The following TTC16 variants were observed in gnomAD, a reference collection of about 807,000 sequenced individuals.
The protein encoded by TTC16 is tetratricopeptide repeat domain 16.
Under a neutral mutation model 80.4 loss-of-function variants are expected in TTC16, and 66 were observed. The observed-to-expected ratio is 0.82, with a 90% CI of 0.67 to 1.01. The LOEUF (loss-of-function observed/expected upper bound fraction) is 1.01, where lower values mean the gene tolerates loss of function less well. Among genes scored for constraint, TTC16 ranks in the 50% least tolerant of loss-of-function variants. The probability of loss-of-function intolerance (pLI) is 0.00; values close to 1 mark genes in which losing one functional copy is unlikely to be tolerated. For synonymous variants in TTC16, 438 were observed against 451.3 expected, an observed-to-expected ratio of 0.97 and a Z score of 0.37; for missense variants, 1,070 against 1,103.2, an observed-to-expected ratio of 0.97 and a Z score of 0.43.
Position 127,731,526 on chromosome 9 carries a change from T to C in TTC16, c.*121T>C, listed in dbSNP as rs1267207494. On this transcript the variant is annotated 3_prime_UTR_variant, in exon 14 of 14. Coordinates refer to ENST00000373289, the MANE Select transcript of TTC16 (RefSeq NM_144965.3). ...ATTAAAAGTCTTAGCAACAGTCCTC[T>C]GGTCCCACAGCTGAGTTTATTATAC... 4.7e-6 allele frequency: 7 copies of C among 1,475,594 alleles called. No homozygotes were observed. The highest frequency in any genetic ancestry group is 1.4e-5 in the African/African-American group (1 of 70,732). The allele number at this position is 1,475,594 out of a possible 1,614,324, so 91.4% of individuals were successfully genotyped here.
chr9:127,719,841 T>C (rs1843312770), intron 4 of TTC16, among the ~76,000 whole-genome samples: 1 of 152,214 alleles, frequency 6.6e-6, no homozygotes. Flanking sequence ...CCTGAATCTC[T>C]GTATTCCTGT....
chr9:127,726,204 G>C, intron 9 of TTC16, 35 bp from the exon 10 acceptor site: 1 of 1,524,160 alleles, frequency 6.6e-7, no homozygotes, highest in Non-Finnish European at 8.9e-7. Flanking sequence ...AGATGGCCCA[G>C]CTCATAGCAG....
chr9:127,717,371 T>A lies in TTC16; in HGVS notation c.229T>A (p.Trp77Arg), dbSNP rs1316092356. The change falls in exon 3 of 14, where the codon TGG (tryptophan) becomes AGG (arginine). Residue 77 changes from tryptophan (W) to arginine (R), a missense_variant. Physicochemically the swap from Trp to Arg is moderately radical, Grantham distance 101. Coordinates refer to ENST00000373289, the MANE Select transcript of TTC16 (RefSeq NM_144965.3). ...RGQQCLEQAD[W>R]ETAVLLFSRA... is the part of the protein sequence containing the mutation. ...CCAGCAGTGCTTGGAGCAGGCAGAC[T>A]GGGAGACAGCTGTGCTGCTCTTCTC... is the stretch of plus-strand genomic sequence containing the variant. 2 of 1,612,824 alleles carry A rather than the reference T, an allele frequency of 1.2e-6. No individual in the cohort carries two copies. The highest frequency in any genetic ancestry group is 2.2e-5 in the South Asian group (2 of 91,076).
At chr9:127,725,557 C>T (rs1422570532) in intron 9 of TTC16, among the ~76,000 whole-genome samples, 1 of 92,184 alleles carries the variant, frequency 1.1e-5, no homozygotes, top group Non-Finnish European at 2.1e-5. Context: ...GAGTGAGACT[C>T]CGTCTCAAAA....
Position 127,726,269 on chromosome 9 carries a change from C to T in TTC16, c.1290C>T (p.Ser430=). 3.7e-6 allele frequency: 6 copies of T among 1,602,660 alleles called. No individual in the cohort carries two copies. The highest frequency in any genetic ancestry group is 5.1e-6 in the Non-Finnish European group (6 of 1,172,576). ...TCCAGAAGGCAGAGAACCACTTCTC[C>T]ACGGCCATCCGGCACAACCCCCAGA... The part of the protein sequence containing the change: ...KQFQKAENHF[S]TAIRHNPQKA... The change falls in exon 10 of 14, where the codon TCC becomes TCT. Residue 430 remains serine (S), a synonymous_variant. Coordinates refer to ENST00000373289, the MANE Select transcript of TTC16 (RefSeq NM_144965.3).
chr9:127,721,917 C>T (rs1843545618), intron 6 of TTC16, among the ~76,000 whole-genome samples: 1 of 152,098 alleles, frequency 6.6e-6, no homozygotes, highest in Non-Finnish European at 1.5e-5. Flanking sequence ...CTGCCTCGGC[C>T]TCTCCAAGTG....
chr9:127,721,429 A>G (rs1276216139), intron 6 of TTC16, among the ~76,000 whole-genome samples: 2 of 148,066 alleles, frequency 1.4e-5, no homozygotes, highest in Non-Finnish European at 3.0e-5. Context: ...GGAAGGATCC[A>G]GAAGGGTGCC....
chr9:127,727,420 T>C lies in TTC16; in HGVS notation c.1719T>C (p.Ala573=). 1.2e-6 allele frequency: 2 copies of C among 1,606,782 alleles called. No individual in the cohort carries two copies. Among genetic ancestry groups the C allele is most frequent in the Non-Finnish European group, 1.7e-6 (2 of 1,177,360 alleles). The change falls in exon 12 of 14, where the codon GCT becomes GCC. Residue 573 remains alanine (A), a synonymous_variant. Coordinates refer to ENST00000373289, the MANE Select transcript of TTC16 (RefSeq NM_144965.3). ...QVKPGSSEGE[A]EAPEEEEEKE... ...AACCGGGAAGCTCAGAGGGAGAGGC[T>C]GAGGCCCCTGAGGAGGAGGAAGAAA...
chr9:127,726,967 C>A lies in TTC16; in HGVS notation c.1426-3C>A, dbSNP rs1163023747. The A allele has an allele frequency of 1.2e-6, 2 of 1,613,206 alleles. No individual in the cohort carries two copies. The highest frequency in any genetic ancestry group is 2.2e-5 in the South Asian group (2 of 91,086). ...TGGCTCTGGTCACCCCCTTTCGTGG[C>A]AGCTGTCCCTGCTGATGACCAACCT... On this transcript the variant is annotated splice_region_variant and splice_polypyrimidine_tract_variant and intron_variant, in intron 10 of 13. Coordinates refer to ENST00000373289, the MANE Select transcript of TTC16 (RefSeq NM_144965.3).
rs1844370702 is a variant in TTC16 at position 127,730,979 on chromosome 9, C to A, written c.2196C>A (p.Ser732Arg). 1.2e-6 allele frequency: 2 copies of A among 1,612,616 alleles called. No homozygotes were observed. The highest frequency in any genetic ancestry group is 2.2e-5 in the South Asian group (2 of 91,036). The change falls in exon 14 of 14, where the codon AGC becomes AGA. Residue 732 changes from serine (S) to arginine (R), a missense_variant. Transcript: ENST00000373289. The stretch of plus-strand genomic sequence containing the variant: ...GGGCCACCCAGGGCCAGGGGCAGAG[C>A]TCCAGCAAGACTGAGGCCACTCAGG... ...KTRATQGQGQ[S>R]SSKTEATQGQ... is the part of the protein sequence containing the mutation.
rs1394102391 is a variant in TTC16, at chr9:127,722,626, A to G, written c.658-493A>G. On this transcript the variant is annotated intron_variant, in intron 6 of 13. Coordinates refer to ENST00000373289, the MANE Select transcript of TTC16 (RefSeq NM_144965.3). The surrounding 1 kb of genome is among the most constrained non-coding windows in gnomAD (Gnocchi z 4.2). ...AGGGCCAGCTGGCATGGGGCCTGGG[A>G]TGGAATTTCTCCACGATGCTCCCTG... is the stretch of plus-strand genomic sequence containing the variant. 6.6e-6 allele frequency among the ~76,000 whole-genome samples: 1 copy of G among 152,050 alleles called. No homozygotes were observed. Among genetic ancestry groups the G allele is most frequent in the Non-Finnish European group, 1.5e-5 (1 of 68,004 alleles).
At position 127,723,239 on chromosome 9, in the gene TTC16, A is replaced by G. The variant is rs752507690; in HGVS notation, c.778A>G (p.Ile260Val). ...QAQQARQDAG[I>V]LAVQGKLQHA... ...CCAGCAGGCGCGCCAAGATGCGGGGATCCTGGCTGTGCAGGGCAAGCTGCA... is the reference window on the plus strand; with the variant it reads ...CCAGCAGGCGCGCCAAGATGCGGGGGTCCTGGCTGTGCAGGGCAAGCTGCA... The change falls in exon 7 of 14, where the codon ATC becomes GTC. Residue 260 changes from isoleucine to valine, a missense_variant. Physicochemically the swap from Ile to Val is conservative, Grantham distance 29. Transcript: ENST00000373289. The G allele has an allele frequency of 7.4e-6, 12 of 1,612,876 alleles. No individual in the cohort carries two copies. In the South Asian group the frequency reaches 1.2e-4, roughly 16 times the overall value.
At chr9:127,725,110 A>T (rs1044012336) in intron 9 of TTC16, among the ~76,000 whole-genome samples, 6 of 152,312 alleles carry the variant, frequency 3.9e-5, no homozygotes, top group African/African-American at 1.2e-4. Flanking sequence ...TTAAAAATAT[A>T]AAAAAATTTA....
chr9:127,716,266 A>T (rs921367109), intron 1 of TTC16, 103 bp downstream of exon 1: 14 of 1,540,442 alleles, frequency 9.1e-6, no homozygotes, highest in Admixed American at 1.7e-5. Context: ...CAGGGGCAGC[A>T]GTCCGACTCA....
Position 127,716,867 on chromosome 9 carries a change from C to G in TTC16, c.42C>G (p.Gly14=), listed in dbSNP as rs903899672. ...SDEDALKVDQ[G]PSRDIPKPWV... is the part of the protein sequence containing the mutation. ...AGGATGCCCTGAAGGTTGACCAGGG[C>G]CCCTCACGGGACATCCCAAAGCCAT... The change falls in exon 2 of 14, where the codon GGC becomes GGG. Residue 14 remains glycine, a synonymous_variant. Coordinates refer to ENST00000373289, the MANE Select transcript of TTC16 (RefSeq NM_144965.3). 57 of 1,613,088 alleles carry G rather than the reference C, an allele frequency of 3.5e-5. No homozygotes were observed. The highest frequency in any genetic ancestry group is 4.7e-5 in the Non-Finnish European group (56 of 1,179,456).
intron 13 of TTC16, 135 bp from the exon 14 acceptor site, chr9:127,730,501 T>A: frequency 2.2e-6 from 3 of 1,341,364 alleles, no homozygotes; most frequent in Non-Finnish European, 3.0e-6. Context: ...GCGGGGGTGA[T>A]CTGCAGGTCT....
At chr9:127,716,195 C>T (rs763130942) in intron 1 of TTC16, 32 bp downstream of exon 1, 2 of 1,613,774 alleles carry the variant, frequency 1.2e-6, no homozygotes, top group Non-Finnish European at 8.5e-7. Flanking sequence ...AACGCAAAGG[C>T]AGAGGGCCAG....
At chr9:127,726,700 A>G (rs2131675511) in intron 10 of TTC16, among the ~76,000 whole-genome samples, 1 of 150,584 alleles carries the variant, frequency 6.6e-6, no homozygotes, top group East Asian at 2.1e-4. Context: ...AGGCATGAGA[A>G]TCGCTTCGAC....
At position 127,717,889 on chromosome 9, in the gene TTC16, C is replaced by T. The variant is rs1843176331; in HGVS notation, c.426+117C>T. 6.9e-6 allele frequency: 9 copies of T among 1,301,074 alleles called. No homozygotes were observed. The Middle Eastern group carries it at 8.4e-4, about 121-fold the overall frequency. 80.6% of individuals were successfully genotyped at this position (1,301,074 alleles called of 1,614,324 possible). On this transcript the variant is annotated intron_variant, in intron 4 of 13. Transcript: ENST00000373289. The stretch of plus-strand genomic sequence containing the variant: ...TTCCTCCTTGTCCCTGTGTCTGGGT[C>T]CCCCCCGCTGCCCCTCTCACCTCCA...
Sources: allele counts gnomAD v4.1 joint callset (sites outside exome capture counted in the v4.1 genomes callset), GRCh38; gene constraint gnomAD v4.1.1; non-coding constraint Gnocchi (gnomAD v3.1); transcripts MANE v1.5; gene names NCBI Gene and HGNC (gene_info 2026-07-23, HGNC 2026-07-21).